The following PSAP variants were observed in gnomAD, a reference collection of about 807,000 sequenced individuals.
PSAP encodes precursor of saposins.
A neutral mutation model predicts 66.0 loss-of-function variants in PSAP; 25 were observed. The observed-to-expected ratio is 0.38, with a 90% CI of 0.28 to 0.53. The LOEUF (loss-of-function observed/expected upper bound fraction) is 0.53, where lower values mean the gene tolerates loss of function less well. Ranked by LOEUF, PSAP falls within the 20% of genes least tolerant of loss-of-function variation. The pLI, the probability that PSAP is intolerant of heterozygous loss-of-function variation, is 0.83. For synonymous variants in PSAP, 273 were observed against 258.9 expected (o/e 1.05, Z -0.52); for missense variants, 649 against 668.8 (o/e 0.97, Z 0.33).
chr10:71,833,158 A>C (rs1842554391), intron 2 of PSAP, among the ~76,000 whole-genome samples: 1 of 152,202 alleles, frequency 6.6e-6, no homozygotes, highest in African/African-American at 2.4e-5. Context: ...GGCAAATTAG[A>C]AACCAAATCT....
At chr10:71,841,815 G>A (rs1319335507) in intron 1 of PSAP, among the ~76,000 whole-genome samples, 1 of 152,102 alleles carries the variant, frequency 6.6e-6, no homozygotes, top group Admixed American at 6.6e-5. Flanking sequence ...AGACCAGCCT[G>A]GCCAACACAG....
At chr10:71,822,238 T>A (rs536660462) in intron 7 of PSAP, 1 of 583,354 alleles carries the variant, frequency 1.7e-6, no homozygotes, top group South Asian at 1.9e-5. Context: ...ACAAAGCTCC[T>A]AAGGAACATC....
chr10:71,821,709 G>C (rs1318277320), intron 8 of PSAP, among the ~76,000 whole-genome samples, 167 bp downstream of exon 8: 1 of 152,212 alleles, frequency 6.6e-6, no homozygotes, highest in Non-Finnish European at 1.5e-5. Flanking sequence ...GTCGGGGGCT[G>C]CATTAGTATA....
chr10:71,846,731 CAAAAAA>C (rs56323015), intron 1 of PSAP, among the ~76,000 whole-genome samples: 1 of 49,676 alleles, frequency 2.0e-5, no homozygotes, highest in Non-Finnish European at 3.6e-5. Flanking sequence ...GACCCTGTCT[CAAAAAA>C]AAAAAAAAAA....
At chr10:71,838,900 C>T (rs1171048540) in intron 1 of PSAP, among the ~76,000 whole-genome samples, 2 of 152,108 alleles carry the variant, frequency 1.3e-5, no homozygotes, top group East Asian at 3.9e-4. Context: ...AAAAGAGCTC[C>T]GAGGAGCTCC....
At chr10:71,835,548 G>A (rs183504848) in intron 1 of PSAP, among the ~76,000 whole-genome samples, 2 of 152,180 alleles carry the variant, frequency 1.3e-5, no homozygotes, top group African/African-American at 4.8e-5. Context: ...CTCCAGCGGT[G>A]AGCTACCATA....
In PSAP at chr10:71,817,109, G is replaced by C. The variant is rs1322747668; in HGVS notation, c.*332C>G. On this transcript the variant is annotated 3_prime_UTR_variant, in exon 14 of 14. Transcript: ENST00000394936. ...GCTCAGAACAAGGCCTCAACCAAGA[G>C]GGTTGATGGCCTCCAGTCAAGAAAC... 3 of 452,878 alleles carry C rather than the reference G, an allele frequency of 6.6e-6. No homozygotes were observed. Among genetic ancestry groups the C allele is most frequent in the Non-Finnish European group, 1.2e-5 (3 of 245,514 alleles). 28.1% of individuals were successfully genotyped at this position (452,878 alleles called of 1,614,324 possible).
intron 1 of PSAP, among the ~76,000 whole-genome samples, chr10:71,845,543 A>AGGCTGTTTGGGGAGGCTTCTAAGGGAG (rs1330504485): frequency 1.3e-5 from 2 of 152,198 alleles, no homozygotes; most frequent in Non-Finnish European, 2.9e-5. Flanking sequence ...CTTCTAAGGG[A>AGGCTGTTTGGGGAGGCTTCTAAGGGAG]GCTGCTACCA....
chr10:71,825,301 G>A (rs1332509810), intron 7 of PSAP, among the ~76,000 whole-genome samples: 3 of 152,228 alleles, frequency 2.0e-5, no homozygotes, highest in South Asian at 4.1e-4. Flanking sequence ...CCTGCTCTGC[G>A]TGGACTAGCG....
At chr10:71,834,319 A>G (rs970075448) in intron 2 of PSAP, 53 bp downstream of exon 2, 26 of 1,610,298 alleles carry the variant, frequency 1.6e-5, no homozygotes, top group Non-Finnish European at 2.2e-5. Flanking sequence ...CAGCTGTTCT[A>G]AGGGGACCCA....
rs75284730 is a variant in PSAP at position 71,832,022 on chromosome 10, G to T, written c.175-102C>A. On this transcript the variant is annotated intron_variant, in intron 2 of 13. Coordinates refer to ENST00000394936, the MANE Select transcript of PSAP (RefSeq NM_002778.4). ...CTTTTCGCTATTCTCTCTAACCAGG[G>T]ATATGATCATGACCGCGCTCCTGTC... is the stretch of plus-strand genomic sequence containing the variant. The T allele has an allele frequency of 9.6e-3, 11,389 of 1,191,096 alleles. 772 individuals are homozygous for T. In the African/African-American group the frequency reaches 0.15, roughly 16 times the overall value. The allele number at this position is 1,191,096 out of a possible 1,614,324, so 73.8% of individuals were successfully genotyped here.
chr10:71,822,066 C>T (rs1842311889), intron 7 of PSAP, 59 bp from the exon 8 acceptor site: 1 of 1,611,808 alleles, frequency 6.2e-7, no homozygotes, highest in Admixed American at 1.7e-5. Flanking sequence ...CTCCTCAGTC[C>T]CAATCCAGCC....
At chr10:71,836,420 C>T (rs1564823571) in intron 1 of PSAP, among the ~76,000 whole-genome samples, 1 of 152,072 alleles carries the variant, frequency 6.6e-6, no homozygotes. Context: ...GTCACAGAGA[C>T]AGCACAAATA....
At position 71,834,525 on chromosome 10, in the gene PSAP, G is replaced by A. The variant is rs1201365935; in HGVS notation, c.41-20C>T. 1.2e-6 allele frequency: 2 copies of A among 1,612,670 alleles called. No homozygotes were observed. The highest frequency in any genetic ancestry group is 2.7e-5 in the African/African-American group (2 of 74,914). On this transcript the variant is annotated intron_variant, in intron 1 of 13. Transcript: ENST00000394936. ...CTAGAGCTAAAATGAAAACCAACGT[G>A]AGGAGGTGGCCCATTTTGTAGCAAA...
chr10:71,839,606 G>A (rs1373375536), intron 1 of PSAP, among the ~76,000 whole-genome samples: 2 of 152,092 alleles, frequency 1.3e-5, no homozygotes, highest in Non-Finnish European at 2.9e-5. Context: ...TGTAACCCCA[G>A]TACTTTGGGA....
At chr10:71,827,418 G>C (rs562352135) in intron 6 of PSAP, among the ~76,000 whole-genome samples, 5 of 87,614 alleles carry the variant, frequency 5.7e-5, no homozygotes, top group African/African-American at 1.9e-4. Flanking sequence ...AAAAAAAAAA[G>C]AAAAGAAAAG....
In PSAP at chr10:71,845,819, T is replaced by C. The variant is rs74145691; in HGVS notation, c.40+5363A>G. Among the ~76,000 whole-genome samples the C allele has an allele frequency of 6.4e-3, 976 of 152,322 alleles. 13 individuals are homozygous for C. The highest frequency in any genetic ancestry group is 0.023 in the African/African-American group (942 of 41,562). ...GGGCTGCTCTGATGTCAAGATCCCCTGGCAGCTAAACCTAGTTTGGCTACC... is the reference window on the plus strand; with the variant it reads ...GGGCTGCTCTGATGTCAAGATCCCCCGGCAGCTAAACCTAGTTTGGCTACC... On this transcript the variant is annotated intron_variant, in intron 1 of 13. Transcript: ENST00000394936.
chr10:71,843,038 C>T lies in PSAP; in HGVS notation c.40+8144G>A, dbSNP rs376631361. 2.2e-4 allele frequency among the ~76,000 whole-genome samples: 33 copies of T among 152,186 alleles called. No homozygotes were observed. The South Asian group carries it at 6.0e-3, about 28-fold the overall frequency. ...CCGCACATGCTGCAGACACAGCAAG[C>T]GATCAAGACAACACACACATCACAA... is the stretch of plus-strand genomic sequence containing the variant. On this transcript the variant is annotated intron_variant, in intron 1 of 13. Transcript: ENST00000394936.
At chr10:71,829,626 G>C (rs530615067) in intron 4 of PSAP, among the ~76,000 whole-genome samples, 1 of 152,094 alleles carries the variant, frequency 6.6e-6, no homozygotes, top group Non-Finnish European at 1.5e-5. Context: ...CCCAGTCTCG[G>C]GTATGTCTTT....
Sources: allele counts gnomAD v4.1 joint callset (sites outside exome capture counted in the v4.1 genomes callset), GRCh38; gene constraint gnomAD v4.1.1; transcripts MANE v1.5; gene names NCBI Gene and HGNC (gene_info 2026-07-23, HGNC 2026-07-21).